Variants in GAS1 observed in about 807,000 individuals in gnomAD.
GAS1 encodes growth arrest specific 1.
A neutral mutation model predicts 21.6 loss-of-function variants in GAS1; 10 were observed. The ratio of observed to expected loss-of-function variants is 0.46; its 90% CI spans 0.29 to 0.79. The LOEUF (loss-of-function observed/expected upper bound fraction) is 0.79, where lower values mean the gene tolerates loss of function less well. GAS1 is among the 30% of genes least tolerant of loss of function. The pLI is 0.10. For missense variants in GAS1, 567 were observed against 544.3 expected (o/e 1.04, Z -0.42); for synonymous variants, 332 against 264.0 (o/e 1.26, Z -2.50).
At position 86,945,918 on chromosome 9, in the gene GAS1, C is replaced by G. The variant is rs779493377; in HGVS notation, c.862G>C (p.Asp288His). The G allele has an allele frequency of 7.1e-5, 112 of 1,567,998 alleles. 1 individual carries two copies. The highest frequency in any genetic ancestry group is 9.1e-5 in the Non-Finnish European group (106 of 1,160,206). Residue 288 changes from aspartate to histidine, a missense_variant, in exon 1 of 1, where the codon GAC becomes CAC. Coordinates refer to ENST00000298743, the MANE Select transcript of GAS1 (RefSeq NM_002048.3). ...GGGCGCGGTGGGTGCGGGACGCCGT[C>G]GTCGTCGTCCAGCGGCTGCTCACCA... ...AGGEQPLDDD[D>H]GVPHPPRPGS...
rs1398069734 is a variant in GAS1, at chr9:86,945,982, A to C, written c.798T>G (p.Asp266Glu). The change falls in exon 1 of 1, where the codon GAT (aspartate) becomes GAG (glutamate). Residue 266 changes from aspartate to glutamate, a missense_variant. Transcript: ENST00000298743. ...TGCGCTGCTCGTCATCGTAGTCCTCATCGTAGTAGTCGTCCAGGCCCCCGT... is the reference window on the plus strand; with the variant it reads ...TGCGCTGCTCGTCATCGTAGTCCTCCTCGTAGTAGTCGTCCAGGCCCCCGT... ...GSDGGLDDYYDEDYDDEQRTG... is the reference protein window; with the variant it reads ...GSDGGLDDYYEEDYDDEQRTG... 24 of 1,607,556 alleles carry C rather than the reference A, an allele frequency of 1.5e-5. No individual in the cohort carries two copies. In the East Asian group the frequency reaches 5.4e-4, roughly 36 times the overall value.
Position 86,947,484 on chromosome 9 carries a change from G to C in GAS1, c.-705C>G. On this transcript the variant is annotated 5_prime_UTR_variant, in exon 1 of 1. Transcript: ENST00000298743. ...CTTCTCGGGTGACCAAGAGCCCGGG[G>C]AGCGGATCCGCTGAGCCCGGCTGCA... Among the ~76,000 whole-genome samples, 1 of 152,204 alleles carries C rather than the reference G, an allele frequency of 6.6e-6. No homozygotes were observed. Among genetic ancestry groups the C allele is most frequent in the East Asian group, 1.9e-4 (1 of 5,166 alleles).
chr9:86,946,236 C>T lies in GAS1; in HGVS notation c.544G>A (p.Ala182Thr). ...RCDRDSRCNL[A>T]LSRYLTYCGK... ...CAGTAGGTCAGGTAGCGGCTCAGCG[C>T]CAGGTTGCAGCGGCTGTCGCGGTCG... Residue 182 changes from alanine to threonine, a missense_variant, in exon 1 of 1, where the codon GCG (alanine) becomes ACG (threonine). Coordinates refer to ENST00000298743, the MANE Select transcript of GAS1 (RefSeq NM_002048.3). This position sits in a 1 kb window ranked among gnomAD's most constrained non-coding sequence, Gnocchi z 5.2. 1 of 1,590,540 alleles carries T rather than the reference C, an allele frequency of 6.3e-7. No homozygotes were observed. The highest frequency in any genetic ancestry group is 1.7e-5 in the Admixed American group (1 of 59,046).
chr9:86,947,398 C>T lies in GAS1; in HGVS notation c.-619G>A, dbSNP rs207470344. Among the ~76,000 whole-genome samples the T allele has an allele frequency of 6.6e-6, 1 of 152,038 alleles. No individual in the cohort carries two copies. The highest frequency in any genetic ancestry group is 1.5e-5 in the Non-Finnish European group (1 of 67,988). Reference sequence around the variant, plus strand: ...TCCGGGGAGCTCTTTCCGGGAAGCGCGGGGAGAACAAGAAAGTCGGCGCTG... The same window carrying T: ...TCCGGGGAGCTCTTTCCGGGAAGCGTGGGGAGAACAAGAAAGTCGGCGCTG... On this transcript the variant is annotated 5_prime_UTR_variant, in exon 1 of 1. Transcript: ENST00000298743.
chr9:86,946,600 C>A lies in GAS1; in HGVS notation c.180G>T (p.Glu60Asp). 6.9e-7 allele frequency: 1 copy of A among 1,449,714 alleles called. No homozygotes were observed. Among genetic ancestry groups the A allele is most frequent in the Non-Finnish European group, 9.1e-7 (1 of 1,103,822 alleles). The allele number at this position is 1,449,714 out of a possible 1,614,324, so 89.8% of individuals were successfully genotyped here. Residue 60 changes from glutamate to aspartate, a missense_variant, in exon 1 of 1, where the codon GAG (glutamate) becomes GAT (aspartate). Transcript: ENST00000298743. This position sits in a 1 kb window ranked among gnomAD's most constrained non-coding sequence, Gnocchi z 5.2. Reference sequence around the variant, plus strand: ...CGTACTGGTTGTAGGCGTAGCTGCACTCCGGCTCCCCCTGGCACTGCAGCA... The same window carrying A: ...CGTACTGGTTGTAGGCGTAGCTGCAATCCGGCTCCCCCTGGCACTGCAGCA... ...QALLQCQGEP[E>D]CSYAYNQYAE...
chr9:86,945,984 C>G lies in GAS1; in HGVS notation c.796G>C (p.Asp266His). The change falls in exon 1 of 1, where the codon GAT becomes CAT. Residue 266 changes from aspartate (D) to histidine (H), a missense_variant. Transcript: ENST00000298743. ...GSDGGLDDYYDEDYDDEQRTG... is the reference protein window; with the variant it reads ...GSDGGLDDYYHEDYDDEQRTG... ...CGCTGCTCGTCATCGTAGTCCTCAT[C>G]GTAGTAGTCGTCCAGGCCCCCGTCC... 1 of 1,607,724 alleles carries G rather than the reference C, an allele frequency of 6.2e-7. No homozygotes were observed.
rs1267714849 is a variant in GAS1, at chr9:86,946,673, C to G, written c.107G>C (p.Arg36Pro). The change falls in exon 1 of 1, where the codon CGG (arginine) becomes CCG (proline). Residue 36 changes from arginine (R) to proline (P), a missense_variant. Arg to Pro is a moderately radical substitution (Grantham distance 103). Coordinates refer to ENST00000298743, the MANE Select transcript of GAS1 (RefSeq NM_002048.3). This position sits in a 1 kb window ranked among gnomAD's most constrained non-coding sequence, Gnocchi z 5.2. ...ALLQLLGSAP[R>P]GSGLAHGRRL... Reference sequence around the variant, plus strand: ...GCGGCCGTGCGCCAGCCCCGATCCCCGCGGCGCCGAGCCCAGCAGCTGCAG... The same window carrying G: ...GCGGCCGTGCGCCAGCCCCGATCCCGGCGGCGCCGAGCCCAGCAGCTGCAG... 3 of 1,427,692 alleles carry G rather than the reference C, an allele frequency of 2.1e-6. No homozygotes were observed. The highest frequency in any genetic ancestry group is 3.2e-5 in the East Asian group (1 of 31,710). 88.4% of individuals were successfully genotyped at this position (1,427,692 alleles called of 1,614,324 possible).
rs184542422 is a variant in GAS1 at position 86,947,259 on chromosome 9, T to C, written c.-480A>G. On this transcript the variant is annotated 5_prime_UTR_variant, in exon 1 of 1. Transcript: ENST00000298743. The stretch of plus-strand genomic sequence containing the variant: ...CGCCGCCGCCACCGCCGCCGCGGTC[T>C]CTCGCATCGCGCCGCTTCCTGGCCC... The C allele has an allele frequency of 0.03, 4,541 of 151,752 alleles. 174 individuals are homozygous for C. Among genetic ancestry groups the C allele is most frequent in the Admixed American group, 0.11 (1,710 of 15,162 alleles). The allele number at this position is 151,752 out of a possible 1,614,324, so 9.4% of individuals were successfully genotyped here.
chr9:86,946,249 G>T lies in GAS1; in HGVS notation c.531C>A (p.Ser177Arg). Residue 177 changes from serine (S) to arginine (R), a missense_variant, in exon 1 of 1, where the codon AGC becomes AGA. By Grantham distance (110) the Ser-to-Arg change is moderately radical (BLOSUM62 -1). Transcript: ENST00000298743. The surrounding 1 kb of genome is among the most constrained non-coding windows in gnomAD (Gnocchi z 5.2). Reference protein sequence around the residue: ...TEARRRCDRDSRCNLALSRYL... With the variant: ...TEARRRCDRDRRCNLALSRYL... Reference sequence around the variant, plus strand: ...AGCGGCTCAGCGCCAGGTTGCAGCGGCTGTCGCGGTCGCAGCGCCGCCGGG... The same window carrying T: ...AGCGGCTCAGCGCCAGGTTGCAGCGTCTGTCGCGGTCGCAGCGCCGCCGGG... 1 of 1,579,402 alleles carries T rather than the reference G, an allele frequency of 6.3e-7. No individual in the cohort carries two copies. The highest frequency in any genetic ancestry group is 1.3e-5 in the African/African-American group (1 of 74,390).
rs1362045285 is a variant in GAS1 at position 86,946,408 on chromosome 9, G to A, written c.372C>T (p.Ala124=). ...CCTGCGCGCAGTCACAGTCCTCCAG[G>A]GCGGGCCCGCGGCGCGTGTGGTTGA... The part of the protein sequence containing the change: ...IQLNHTRRGP[A]LEDCDCAQDE... Residue 124 remains alanine, a synonymous_variant, in exon 1 of 1, where the codon GCC becomes GCT. Transcript: ENST00000298743. The surrounding 1 kb of genome is among the most constrained non-coding windows in gnomAD (Gnocchi z 5.2). The A allele has an allele frequency of 3.8e-5, 57 of 1,491,884 alleles. No individual in the cohort carries two copies. The highest frequency in any genetic ancestry group is 5.0e-5 in the Non-Finnish European group (56 of 1,125,252). The allele number at this position is 1,491,884 out of a possible 1,614,324, so 92.4% of individuals were successfully genotyped here.
chr9:86,945,730 G>A lies in GAS1; in HGVS notation c.*12C>T, dbSNP rs1216300915. On this transcript the variant is annotated 3_prime_UTR_variant, in exon 1 of 1. Coordinates refer to ENST00000298743, the MANE Select transcript of GAS1 (RefSeq NM_002048.3). ...CGGGCTCTCCCGCAGCCAACGGCGGGGGGCGCGAGGGCTAAAAGAGCGGCC... is the reference window on the plus strand; with the variant it reads ...CGGGCTCTCCCGCAGCCAACGGCGGAGGGCGCGAGGGCTAAAAGAGCGGCC... 6.5e-7 allele frequency: 1 copy of A among 1,528,494 alleles called. No individual in the cohort carries two copies. The highest frequency in any genetic ancestry group is 8.8e-7 in the Non-Finnish European group (1 of 1,138,308). 94.7% of individuals were successfully genotyped at this position (1,528,494 alleles called of 1,614,324 possible).
At position 86,945,507 on chromosome 9, in the gene GAS1, A is replaced by C; in HGVS notation, c.*235T>G. On this transcript the variant is annotated 3_prime_UTR_variant, in exon 1 of 1. Transcript: ENST00000298743. The stretch of plus-strand genomic sequence containing the variant: ...GAGTTGGGAGTTTCTGGAGCTTGGA[A>C]TTGGGGCGGGGGAGGAGGTCCAAGA... 5.1e-6 allele frequency: 2 copies of C among 393,646 alleles called. No individual in the cohort carries two copies. The highest frequency in any genetic ancestry group is 8.9e-6 in the Non-Finnish European group (2 of 223,602). 24.4% of individuals were successfully genotyped at this position (393,646 alleles called of 1,614,324 possible). A position where few individuals can be genotyped will look rare whatever the true frequency, so the allele number is the denominator to read the frequency against.
chr9:86,946,469 C>A lies in GAS1; in HGVS notation c.311G>T (p.Arg104Leu). 1 of 1,468,214 alleles carries A rather than the reference C, an allele frequency of 6.8e-7. No homozygotes were observed. Among genetic ancestry groups the A allele is most frequent in the South Asian group, 1.3e-5 (1 of 78,134 alleles). 90.9% of individuals were successfully genotyped at this position (1,468,214 alleles called of 1,614,324 possible). The change falls in exon 1 of 1, where the codon CGC (arginine) becomes CTC (leucine). Residue 104 changes from arginine (R) to leucine (L), a missense_variant. Arg to Leu is a moderately radical substitution (Grantham distance 102). Coordinates refer to ENST00000298743, the MANE Select transcript of GAS1 (RefSeq NM_002048.3). The surrounding 1 kb of genome is among the most constrained non-coding windows in gnomAD (Gnocchi z 5.2). ...ASAASFSSRW[R>L]CPSHCISALI... ...GGCCGAGATGCAGTGACTCGGGCAG[C>A]GCCAGCGCGACGAGAAAGAGGCGGC... is the stretch of plus-strand genomic sequence containing the variant.
rs748874081 is a variant in GAS1, at chr9:86,946,602, C to G, written c.178G>C (p.Glu60Gln). The G allele has an allele frequency of 2.8e-4, 402 of 1,449,906 alleles. 3 individuals are homozygous for G. Among genetic ancestry groups the G allele is most frequent in the Admixed American group, 3.1e-4 (13 of 42,322 alleles). 89.8% of individuals were successfully genotyped at this position (1,449,906 alleles called of 1,614,324 possible). ...QALLQCQGEP[E>Q]CSYAYNQYAE... ...TACTGGTTGTAGGCGTAGCTGCACT[C>G]CGGCTCCCCCTGGCACTGCAGCAGC... Residue 60 changes from glutamate (E) to glutamine (Q), a missense_variant, in exon 1 of 1, where the codon GAG becomes CAG. Glu to Gln is a conservative substitution (Grantham distance 29, BLOSUM62 2). Coordinates refer to ENST00000298743, the MANE Select transcript of GAS1 (RefSeq NM_002048.3). The surrounding 1 kb of genome is among the most constrained non-coding windows in gnomAD (Gnocchi z 5.2).
chr9:86,945,486 T>C lies in GAS1; in HGVS notation c.*256A>G, dbSNP rs144778148. 0.011 allele frequency: 4,005 copies of C among 374,444 alleles called. 139 individuals carry two copies. The highest frequency in any genetic ancestry group is 0.093 in the Admixed American group (2,008 of 21,546). 23.2% of individuals were successfully genotyped at this position (374,444 alleles called of 1,614,324 possible). ...CTAGCTTTCTGGACGGCAGACGAGT[T>C]GGGAGTTTCTGGAGCTTGGAATTGG... is the stretch of plus-strand genomic sequence containing the variant. On this transcript the variant is annotated 3_prime_UTR_variant, in exon 1 of 1. Coordinates refer to ENST00000298743, the MANE Select transcript of GAS1 (RefSeq NM_002048.3).
rs1563988973 is a variant in GAS1 at position 86,946,506 on chromosome 9, A to AAGCGGC, written c.268_273dup (p.Ala90_Ala91dup). The AAGCGGC allele has an allele frequency of 4.2e-6, 6 of 1,440,954 alleles. No individual in the cohort carries two copies. In the South Asian group the frequency reaches 6.7e-5, roughly 16 times the overall value. The allele number at this position is 1,440,954 out of a possible 1,614,324, so 89.3% of individuals were successfully genotyped here. A position where few individuals can be genotyped will look rare whatever the true frequency, so the allele number is the denominator to read the frequency against. Reference sequence around the variant, plus strand: ...GAGAAAGAGGCGGCCGAGGCCGGGAAAGCGGCGGCGGCGGCCCCGGGCGCG... The same window carrying AAGCGGC: ...GAGAAAGAGGCGGCCGAGGCCGGGAAAGCGGCAGCGGCGGCGGCGGCCCCGGGCGCG... On this transcript the variant is annotated inframe_insertion, in exon 1 of 1. Transcript: ENST00000298743. This position sits in a 1 kb window ranked among gnomAD's most constrained non-coding sequence, Gnocchi z 5.2.
rs943012994 is a variant in GAS1, at chr9:86,947,453, C to A, written c.-674G>T. Among the ~76,000 whole-genome samples the A allele has an allele frequency of 6.6e-6, 1 of 152,184 alleles. No individual in the cohort carries two copies. Among genetic ancestry groups the A allele is most frequent in the Non-Finnish European group, 1.5e-5 (1 of 68,038 alleles). ...AGAGCGGCTCCCTGGCTTCACTCGG[C>A]GGCAGCTTCTCGGGTGACCAAGAGC... On this transcript the variant is annotated 5_prime_UTR_variant, in exon 1 of 1. Transcript: ENST00000298743.
Position 86,944,417 on chromosome 9 carries a change from A to G in GAS1, c.*1325T>C, listed in dbSNP as rs1825450439. ...ATGTTTTAATAAAACAAATAACCAA[A>G]AAAAATACACAAATCCATAGTTATT... is the stretch of plus-strand genomic sequence containing the variant. On this transcript the variant is annotated 3_prime_UTR_variant, in exon 1 of 1. Transcript: ENST00000298743. 6.6e-6 allele frequency: 1 copy of G among 152,214 alleles called. No individual in the cohort carries two copies. Among genetic ancestry groups the G allele is most frequent in the Non-Finnish European group, 1.5e-5 (1 of 68,034 alleles). The allele number at this position is 152,214 out of a possible 1,614,324, so 9.4% of individuals were successfully genotyped here.
chr9:86,946,821 C>CGAGGCGCGGGGAGCGGCGGACGCG lies in GAS1; in HGVS notation c.-66_-43dup. Reference sequence around the variant, plus strand: ...CGCCGGGAGAGGAGGGGAAAGGAGACGAGGCGCGGGGAGCGGCGGACGCGG... The same window carrying CGAGGCGCGGGGAGCGGCGGACGCG: ...CGCCGGGAGAGGAGGGGAAAGGAGACGAGGCGCGGGGAGCGGCGGACGCGGAGGCGCGGGGAGCGGCGGACGCGG... On this transcript the variant is annotated 5_prime_UTR_variant, in exon 1 of 1. Transcript: ENST00000298743. This position sits in a 1 kb window ranked among gnomAD's most constrained non-coding sequence, Gnocchi z 5.2. 4 of 579,220 alleles carry CGAGGCGCGGGGAGCGGCGGACGCG rather than the reference C, an allele frequency of 6.9e-6. No individual in the cohort carries two copies. The highest frequency in any genetic ancestry group is 1.1e-5 in the Non-Finnish European group (4 of 367,540). 35.9% of individuals were successfully genotyped at this position (579,220 alleles called of 1,614,324 possible).
Sources: gnomAD v4.1 joint callset for allele counts (sites outside exome capture counted in the v4.1 genomes callset) on GRCh38, gnomAD v4.1.1 for gene constraint, Gnocchi (gnomAD v3.1) non-coding constraint, MANE v1.5 for transcripts, NCBI Gene and HGNC (gene_info 2026-07-23, HGNC 2026-07-21) for gene names.